The following TEX11 variants were observed in gnomAD, a reference collection of about 807,000 sequenced individuals.
The protein encoded by TEX11 is testis expressed 11.
A neutral mutation model predicts 84.4 loss-of-function variants in TEX11; 7 were observed. That is an observed-to-expected ratio of 0.08 (90% CI 0.05 to 0.16). The LOEUF is 0.16. Among genes scored for constraint, TEX11 ranks in the 10% least tolerant of loss-of-function variants. The pLI is 1.00. For missense variants in TEX11, 551 were observed against 660.5 expected, an observed-to-expected ratio of 0.83 and a Z score of 1.82; for synonymous variants, 264 against 222.8, an observed-to-expected ratio of 1.18 and a Z score of -1.64.
At chrX:70,566,087 T>C (rs2088470128) in intron 25 of TEX11, among the ~76,000 whole-genome samples, 2 of 108,008 alleles carry the variant, frequency 1.9e-5, no homozygotes, top group Non-Finnish European at 3.8e-5. Context: ...CCTTGAGCAG[T>C]GGTTTGTAGT....
At chrX:70,705,797 G>A (rs1048769321) in intron 13 of TEX11, among the ~76,000 whole-genome samples, 10 of 111,546 alleles carry the variant, frequency 9.0e-5, no homozygotes, top group Non-Finnish European at 1.9e-4. Context: ...TCATTAAAAA[G>A]TCAGGAAACA....
intron 3 of TEX11, among the ~76,000 whole-genome samples, chrX:70,873,952 G>A (rs2091642528): frequency 1.8e-5 from 2 of 111,241 alleles, no homozygotes; most frequent in East Asian, 2.8e-4. Context: ...GTTGGATGTG[G>A]GGCTGATGGG....
chrX:70,833,381 T>C, intron 8 of TEX11, 132 bp downstream of exon 8: 1 of 486,627 alleles, frequency 2.1e-6, no homozygotes, highest in Non-Finnish European at 3.5e-6. Context: ...GCAAAATATT[T>C]CAAAGATCAG....
chrX:70,906,182 AAG>A (rs2091833141), intron 2 of TEX11, among the ~76,000 whole-genome samples: 1 of 96,557 alleles, frequency 1.0e-5, no homozygotes, highest in African/African-American at 3.7e-5. Flanking sequence ...CTGCAGGAAA[AAG>A]AAATATAAAA....
chrX:70,854,211 A>C (rs2091522995), intron 5 of TEX11, among the ~76,000 whole-genome samples: 1 of 111,896 alleles, frequency 8.9e-6, no homozygotes, highest in South Asian at 3.7e-4. Flanking sequence ...AGAGATACCA[A>C]ATTATAATCC....
Position 70,762,218 on chromosome X carries a change from T to A in TEX11, c.693-17999A>T, listed in dbSNP as rs1461760858. 5.4e-5 allele frequency among the ~76,000 whole-genome samples: 6 copies of A among 111,945 alleles called. No individual in the cohort carries two copies. The South Asian group carries it at 1.5e-3, about 28-fold the overall frequency. On this transcript the variant is annotated intron_variant, in intron 9 of 29. Coordinates refer to ENST00000374333, the MANE Select transcript of TEX11 (RefSeq NM_031276.3). ...TGAGCAGTAAGTAATCACTTGAAGA[T>A]ACAAAACTCACTGGTAATATAAGTA... is the stretch of plus-strand genomic sequence containing the variant.
intron 2 of TEX11, among the ~76,000 whole-genome samples, chrX:70,903,299 T>C (rs2091813305): frequency 9.0e-6 from 1 of 111,496 alleles, no homozygotes; most frequent in Non-Finnish European, 1.9e-5. Flanking sequence ...CCATCAAGTA[T>C]TATGTACTGT....
At chrX:70,619,488 T>C (rs2089357215) in intron 20 of TEX11, among the ~76,000 whole-genome samples, 2 of 110,773 alleles carry the variant, frequency 1.8e-5, no homozygotes, top group African/African-American at 6.5e-5. Flanking sequence ...TGGAAAAGTT[T>C]GGTTATAAAT....
At chrX:70,869,119 A>G (rs975070279) in intron 4 of TEX11, among the ~76,000 whole-genome samples, 9 of 108,366 alleles carry the variant, frequency 8.3e-5, no homozygotes, top group African/African-American at 3.0e-4. Flanking sequence ...AAATAAAACA[A>G]AATAAAATAA....
intron 12 of TEX11, among the ~76,000 whole-genome samples, chrX:70,723,014 C>T (rs965007583): frequency 3.6e-5 from 4 of 111,624 alleles, no homozygotes; most frequent in African/African-American, 1.3e-4. Flanking sequence ...TTTGAAACCA[C>T]TTGCTACTTG....
intron 25 of TEX11, among the ~76,000 whole-genome samples, chrX:70,565,053 C>T (rs1287860556): frequency 1.1e-4 from 12 of 106,240 alleles, no homozygotes; most frequent in African/African-American, 3.1e-4. Flanking sequence ...TCTCCACATC[C>T]TCTCCAGCAC....
chrX:70,908,334 G>GC (rs1230358724), intron 1 of TEX11, among the ~76,000 whole-genome samples: 1 of 102,348 alleles, frequency 9.8e-6, no homozygotes, highest in African/African-American at 3.6e-5. Context: ...ACATTACATT[G>GC]CCCCCAACGG....
chrX:70,870,867 G>A (rs2091626089), intron 4 of TEX11, among the ~76,000 whole-genome samples: 1 of 111,354 alleles, frequency 9.0e-6, no homozygotes, highest in African/African-American at 3.3e-5. Context: ...CAATGGAAGG[G>A]CCTGGGCATC....
chrX:70,669,493 G>A (rs2090004487), intron 16 of TEX11, among the ~76,000 whole-genome samples: 1 of 112,558 alleles, frequency 8.9e-6, no homozygotes. Context: ...ATGCTAGCCT[G>A]TACAACATTA....
chrX:70,878,122 G>A (rs748507174), intron 3 of TEX11, among the ~76,000 whole-genome samples: 2 of 107,453 alleles, frequency 1.9e-5, no homozygotes, highest in Admixed American at 1.0e-4. Flanking sequence ...GACAAATAAT[G>A]ACAAATGTCA....
At chrX:70,706,266 C>A (rs1242996472) in intron 13 of TEX11, among the ~76,000 whole-genome samples, 4 of 102,067 alleles carry the variant, frequency 3.9e-5, no homozygotes, top group African/African-American at 1.5e-4. Flanking sequence ...AATGAGAACA[C>A]TTGGACACAG....
At chrX:70,712,261 T>C (rs1367335780) in intron 13 of TEX11, among the ~76,000 whole-genome samples, 1 of 111,745 alleles carries the variant, frequency 8.9e-6, no homozygotes, top group Non-Finnish European at 1.9e-5. Flanking sequence ...GAGGATTCAC[T>C]TGGCAATGTG....
intron 17 of TEX11, among the ~76,000 whole-genome samples, chrX:70,635,122 TA>T (rs755004798): frequency 3.6e-5 from 4 of 111,951 alleles, no homozygotes; most frequent in African/African-American, 6.5e-5. Context: ...CTAGGAAAAC[TA>T]GGTGAGAGAT....
intron 28 of TEX11, among the ~76,000 whole-genome samples, chrX:70,538,050 G>C (rs1424868238): frequency 9.0e-6 from 1 of 111,526 alleles, no homozygotes; most frequent in African/African-American, 3.3e-5. Flanking sequence ...AGTTGGAAAA[G>C]ATGAGACCTC....
Sources: allele counts gnomAD v4.1 joint callset (sites outside exome capture counted in the v4.1 genomes callset), GRCh38; gene constraint gnomAD v4.1.1; transcripts MANE v1.5; gene names NCBI Gene and HGNC (gene_info 2026-07-23, HGNC 2026-07-21).